Variants in GALM observed in about 807,000 individuals in gnomAD.
GALM encodes the protein galactose mutarotase.
A neutral mutation model predicts 37.4 loss-of-function variants in GALM; 43 were observed. The ratio of observed to expected loss-of-function variants is 1.15; its 90% CI spans 0.90 to 1.48. The LOEUF (loss-of-function observed/expected upper bound fraction) is 1.48, where lower values mean the gene tolerates loss of function less well. Ranked by LOEUF, GALM falls within the 40% of genes most tolerant of loss-of-function variation. The probability of loss-of-function intolerance (pLI) is 0.00; values close to 1 mark genes in which losing one functional copy is unlikely to be tolerated. For synonymous variants in GALM, 199 were observed against 170.6 expected (o/e 1.17, Z -1.30); for missense variants, 456 against 419.1 (o/e 1.09, Z -0.77).
chr2:38,709,897 G>A (rs1666114224), intron 4 of GALM, among the ~76,000 whole-genome samples: 1 of 152,120 alleles, frequency 6.6e-6, no homozygotes, highest in African/African-American at 2.4e-5. Flanking sequence ...TTTACCGCAG[G>A]CCTCCTTATG....
chr2:38,733,135 C>T (rs946099326), intron 6 of GALM, among the ~76,000 whole-genome samples: 6 of 150,452 alleles, frequency 4.0e-5, no homozygotes, highest in African/African-American at 1.5e-4. Context: ...GCAGGAGAAT[C>T]GCTTGAACCC....
chr2:38,704,660 AG>A (rs1261304187), intron 4 of GALM, among the ~76,000 whole-genome samples: 3 of 151,012 alleles, frequency 2.0e-5, no homozygotes, highest in Admixed American at 6.6e-5. Flanking sequence ...TGACACGGCA[AG>A]ACTCTGTCTC....
At chr2:38,708,082 G>T (rs1666076663) in intron 4 of GALM, among the ~76,000 whole-genome samples, 1 of 147,876 alleles carries the variant, frequency 6.8e-6, no homozygotes, top group Admixed American at 6.9e-5. Flanking sequence ...ACTCCAGCAT[G>T]GGCAACAGAG....
At chr2:38,733,019 G>A (rs7596239) in intron 6 of GALM, among the ~76,000 whole-genome samples, 80,812 of 151,170 alleles carry the variant, frequency 0.53, 20,801 homozygotes, top group East Asian at 0.8. Flanking sequence ...TCAGGAGTTC[G>A]AGACCAGCCC....
In GALM at chr2:38,728,815, T is replaced by C. The variant is rs1170746341; in HGVS notation, c.635-741T>C. Among the ~76,000 whole-genome samples the C allele has an allele frequency of 2.0e-5, 3 of 152,222 alleles. No individual in the cohort carries two copies. The South Asian group carries it at 6.2e-4, about 32-fold the overall frequency. ...TGATTTGGCCTGCTACAGAGGAAAC[T>C]GGTATTCTCTGTACTTGGTACAAGG... On this transcript the variant is annotated intron_variant, in intron 4 of 6. Coordinates refer to ENST00000272252, the MANE Select transcript of GALM (RefSeq NM_138801.3).
chr2:38,668,888 G>A (rs1305629522), intron 1 of GALM: 17 of 152,170 alleles, frequency 1.1e-4, no homozygotes, highest in Admixed American at 2.0e-4. Flanking sequence ...TGAGCCATGC[G>A]GAAGATCTGA....
At chr2:38,667,986 A>T (rs1664999901) in intron 1 of GALM, among the ~76,000 whole-genome samples, 1 of 152,188 alleles carries the variant, frequency 6.6e-6, no homozygotes, top group Non-Finnish European at 1.5e-5. Context: ...ATCTGAACAC[A>T]GGCCTTGCCG....
At chr2:38,708,654 G>A (rs550965302) in intron 4 of GALM, among the ~76,000 whole-genome samples, 5 of 151,744 alleles carry the variant, frequency 3.3e-5, no homozygotes, top group South Asian at 2.1e-4. Flanking sequence ...GCATGAACCC[G>A]GGTAGGCGGA....
chr2:38,690,321 TA>T (rs1049869837), intron 4 of GALM, among the ~76,000 whole-genome samples: 55 of 151,662 alleles, frequency 3.6e-4, no homozygotes, highest in Non-Finnish European at 6.6e-4. Flanking sequence ...TTTTTAAGAT[TA>T]AAAAAAAATT....
At chr2:38,707,832 G>A (rs1018510801) in intron 4 of GALM, among the ~76,000 whole-genome samples, 2 of 152,112 alleles carry the variant, frequency 1.3e-5, no homozygotes, top group African/African-American at 4.8e-5. Flanking sequence ...TAGCAGCCGG[G>A]TGTGCTGGCT....
rs140577843 is a variant in GALM at position 38,687,329 on chromosome 2, G to A, written c.553-2484G>A. 1.1e-4 allele frequency among the ~76,000 whole-genome samples: 17 copies of A among 152,322 alleles called. No individual in the cohort carries two copies. The East Asian group carries it at 2.5e-3, about 22-fold the overall frequency. On this transcript the variant is annotated intron_variant, in intron 3 of 6. Transcript: ENST00000272252. ...CACAGCAGAGTGAGCTGTAGAAAGT[G>A]CAGAGGAGAGGCCTTTGCCCTGGCT...
At chr2:38,696,646 T>C (rs1336631544) in intron 4 of GALM, among the ~76,000 whole-genome samples, 2 of 151,572 alleles carry the variant, frequency 1.3e-5, no homozygotes, top group Non-Finnish European at 2.9e-5. Flanking sequence ...TTTTTTTTTC[T>C]TTTTTGGCAG....
At chr2:38,683,142 G>A (rs1043261602) in intron 3 of GALM, among the ~76,000 whole-genome samples, 1 of 152,248 alleles carries the variant, frequency 6.6e-6, no homozygotes, top group African/African-American at 2.4e-5. Flanking sequence ...AATAAAAAGA[G>A]AAATTATGCA....
intron 4 of GALM, among the ~76,000 whole-genome samples, chr2:38,699,516 T>C (rs775142232): frequency 1.3e-5 from 2 of 152,132 alleles, no homozygotes; most frequent in East Asian, 1.9e-4. Context: ...TGTACTTTTA[T>C]TAACATTAAA....
At chr2:38,727,767 C>T (rs573053404) in intron 4 of GALM, among the ~76,000 whole-genome samples, 1 of 151,742 alleles carries the variant, frequency 6.6e-6, no homozygotes, top group Non-Finnish European at 1.5e-5. Context: ...ATGAAATGTC[C>T]TCTTTTACTC....
chr2:38,724,838 A>G (rs1050540353), intron 4 of GALM, among the ~76,000 whole-genome samples: 3 of 152,218 alleles, frequency 2.0e-5, no homozygotes, highest in Non-Finnish European at 4.4e-5. Context: ...AAATATTTCC[A>G]TGTAATGTGG....
At chr2:38,727,480 G>T (rs1666508701) in intron 4 of GALM, among the ~76,000 whole-genome samples, 1 of 152,078 alleles carries the variant, frequency 6.6e-6, no homozygotes, top group South Asian at 2.1e-4. Context: ...TGTAATCCCA[G>T]CCCTTTGGGA....
intron 2 of GALM, among the ~76,000 whole-genome samples, chr2:38,679,539 C>T (rs1217301239): frequency 6.6e-6 from 1 of 152,172 alleles, no homozygotes; most frequent in Non-Finnish European, 1.5e-5. Context: ...AAATCTTTAC[C>T]TTGCAAGATG....
intron 5 of GALM, 25 bp from the exon 6 acceptor site, chr2:38,731,710 T>A: frequency 1.2e-6 from 2 of 1,601,532 alleles, no homozygotes; most frequent in Non-Finnish European, 1.7e-6. Flanking sequence ...TGCCCTGGAC[T>A]CATGTTGTTT....
Sources: gnomAD v4.1 joint callset for allele counts (sites outside exome capture counted in the v4.1 genomes callset) on GRCh38, gnomAD v4.1.1 for gene constraint, MANE v1.5 for transcripts, NCBI Gene and HGNC (gene_info 2026-07-23, HGNC 2026-07-21) for gene names.